Variants in CLOCK observed in about 807,000 individuals in gnomAD.
The protein encoded by CLOCK is clock circadian regulator, also known as circadian locomoter output cycles protein kaput.
In CLOCK, 43 loss-of-function variants were observed where a neutral mutation model predicts 118.4. That is an observed-to-expected ratio of 0.36 (90% CI 0.28 to 0.47). The LOEUF is 0.47. Ranked by LOEUF, CLOCK falls within the 20% of genes least tolerant of loss-of-function variation. CLOCK has a pLI of 1.00. For missense variants in CLOCK, 846 were observed against 999.9 expected, an observed-to-expected ratio of 0.85 and a Z score of 2.08; for synonymous variants, 326 against 339.2, an observed-to-expected ratio of 0.96 and a Z score of 0.43.
chr4:55,498,713 G>A (rs993522322), intron 2 of CLOCK, among the ~76,000 whole-genome samples: 1 of 152,046 alleles, frequency 6.6e-6, no homozygotes, highest in Non-Finnish European at 1.5e-5. Flanking sequence ...CTGTGGAGTG[G>A]CAGGGGAGAT....
intron 9 of CLOCK, 146 bp downstream of exon 9, chr4:55,463,539 A>G: frequency 1.8e-6 from 1 of 570,608 alleles, no homozygotes; most frequent in Non-Finnish European, 3.0e-6. Flanking sequence ...ATTTCATTTT[A>G]TATATATTTT....
chr4:55,497,682 C>T (rs917198044), intron 2 of CLOCK, among the ~76,000 whole-genome samples: 1 of 152,180 alleles, frequency 6.6e-6, no homozygotes, highest in African/African-American at 2.4e-5. Flanking sequence ...ACAATTCAGG[C>T]TGCATGCGTT....
rs371709590 is a variant in CLOCK at position 55,468,342 on chromosome 4, A to C, written c.438+2375T>G. 7.2e-5 allele frequency among the ~76,000 whole-genome samples: 11 copies of C among 152,306 alleles called. No homozygotes were observed. In the South Asian group the frequency reaches 2.3e-3, roughly 32 times the overall value. On this transcript the variant is annotated intron_variant, in intron 8 of 22. Transcript: ENST00000513440. ...ATCTTCAATAACATCATTACATATT[A>C]AAAACTGAAAACTCCCCCCAAAAGC...
At chr4:55,518,353 A>G (rs1315548012) in intron 1 of CLOCK, among the ~76,000 whole-genome samples, 1 of 152,218 alleles carries the variant, frequency 6.6e-6, no homozygotes, top group Non-Finnish European at 1.5e-5. Context: ...CTAAAGAGAC[A>G]TAAGAGATCT....
At chr4:55,506,604 C>T (rs1728810629) in intron 2 of CLOCK, among the ~76,000 whole-genome samples, 1 of 151,590 alleles carries the variant, frequency 6.6e-6, no homozygotes, top group Non-Finnish European at 1.5e-5. Flanking sequence ...GATGGAGTCT[C>T]GCTCTGTCCA....
intron 11 of CLOCK, among the ~76,000 whole-genome samples, chr4:55,457,401 T>A (rs775286581): frequency 2.0e-5 from 3 of 152,184 alleles, no homozygotes; most frequent in African/African-American, 7.2e-5. Flanking sequence ...ATCTCATCCA[T>A]CTTGAGTGCA....
chr4:55,489,328 G>GA (rs1176899470), intron 3 of CLOCK, 46 bp downstream of exon 3: 1 of 152,022 alleles, frequency 6.6e-6, no homozygotes, highest in Non-Finnish European at 1.5e-5. Flanking sequence ...TATTTTTCTG[G>GA]AAAAATATCA....
At chr4:55,521,332 C>A (rs1393997389) in intron 1 of CLOCK, among the ~76,000 whole-genome samples, 1 of 152,194 alleles carries the variant, frequency 6.6e-6, no homozygotes, top group Non-Finnish European at 1.5e-5. Context: ...GATTCTCCTG[C>A]CTCAGCCTCC....
At chr4:55,489,791 A>G (rs1457292785) in intron 2 of CLOCK, among the ~76,000 whole-genome samples, 1 of 152,182 alleles carries the variant, frequency 6.6e-6, no homozygotes, top group Non-Finnish European at 1.5e-5. Context: ...TTACATTTTT[A>G]TATGCAATTG....
chr4:55,544,569 C>T (rs1355408064), intron 1 of CLOCK, among the ~76,000 whole-genome samples: 1 of 152,142 alleles, frequency 6.6e-6, no homozygotes, highest in Admixed American at 6.6e-5. Context: ...TAAAAGGTAT[C>T]CCAAACTTCC....
chr4:55,438,510 G>C lies in CLOCK; in HGVS notation c.2133C>G (p.Thr711=). ...IRFSQGQQLV[T]KLVTAPVACG... ...AAGCTACAGGAGCAGTCACTAATTT[G>C]GTCACAAGTTGTTGACCTTGAGAAA... The change falls in exon 22 of 23, where the codon ACC becomes ACG. Residue 711 remains threonine, a synonymous_variant. Coordinates refer to ENST00000513440, the MANE Select transcript of CLOCK (RefSeq NM_004898.4). 1 of 1,613,616 alleles carries C rather than the reference G, an allele frequency of 6.2e-7. No individual in the cohort carries two copies. Among genetic ancestry groups the C allele is most frequent in the Admixed American group, 1.7e-5 (1 of 59,988 alleles).
At chr4:55,537,476 AG>A (rs1730980443) in intron 1 of CLOCK, among the ~76,000 whole-genome samples, 1 of 152,066 alleles carries the variant, frequency 6.6e-6, no homozygotes, top group East Asian at 1.9e-4. Context: ...AAAATTAGCC[AG>A]GCATGATGGC....
chr4:55,531,054 T>C (rs1194899245), intron 1 of CLOCK, among the ~76,000 whole-genome samples: 7 of 151,954 alleles, frequency 4.6e-5, no homozygotes, highest in East Asian at 3.9e-4. Flanking sequence ...TAAAGGTATA[T>C]ATTTCTCTAA....
chr4:55,479,495 C>T, intron 5 of CLOCK, 145 bp downstream of exon 5: 1 of 663,792 alleles, frequency 1.5e-6, no homozygotes. Flanking sequence ...AAACTACATA[C>T]CAATATTCTA....
chr4:55,519,529 G>A (rs1279119086), intron 1 of CLOCK, among the ~76,000 whole-genome samples: 1 of 152,164 alleles, frequency 6.6e-6, no homozygotes, highest in African/African-American at 2.4e-5. Context: ...GCTCATGCCT[G>A]TAATCCCAGC....
chr4:55,445,060 G>A (rs1265572727), intron 18 of CLOCK, among the ~76,000 whole-genome samples: 5 of 132,780 alleles, frequency 3.8e-5, no homozygotes, highest in African/African-American at 7.6e-5. Flanking sequence ...TCAACTCCTG[G>A]TTCTGGTGCT....
chr4:55,478,781 G>A (rs1241143127), intron 6 of CLOCK, 34 bp downstream of exon 6: 1 of 1,600,160 alleles, frequency 6.2e-7, no homozygotes, highest in Non-Finnish European at 8.6e-7. Context: ...AATGCTTTGA[G>A]AGTCTGTTCC....
chr4:55,496,034 C>A (rs1422248627), intron 2 of CLOCK, among the ~76,000 whole-genome samples: 1 of 151,830 alleles, frequency 6.6e-6, no homozygotes, highest in African/African-American at 2.4e-5. Flanking sequence ...ACTAAAAATA[C>A]AAAAATTAGC....
chr4:55,463,002 T>C (rs1347776560), intron 9 of CLOCK, among the ~76,000 whole-genome samples: 1 of 152,232 alleles, frequency 6.6e-6, no homozygotes, highest in Non-Finnish European at 1.5e-5. Context: ...ATCTAATAGC[T>C]AATGGTGAAA....
Sources: gnomAD v4.1 joint callset for allele counts (sites outside exome capture counted in the v4.1 genomes callset) on GRCh38, gnomAD v4.1.1 for gene constraint, MANE v1.5 for transcripts, NCBI Gene and HGNC (gene_info 2026-07-23, HGNC 2026-07-21) for gene names.